KIF1B: variants seen among roughly 807,000 people sequenced by gnomAD.
KIF1B encodes kinesin-like protein KIF1B.
In KIF1B, 76 loss-of-function variants were observed where a neutral mutation model predicts 241.9. The observed-to-expected ratio is 0.31, with a 90% CI of 0.26 to 0.38. The LOEUF (loss-of-function observed/expected upper bound fraction) is 0.38. KIF1B is among the 10% of genes least tolerant of loss of function. The pLI, the probability that KIF1B is intolerant of heterozygous loss-of-function variation, is 1.00. For synonymous variants in KIF1B, 750 were observed against 796.7 expected (o/e 0.94, Z 0.99); for missense variants, 1,622 against 2,271.4 (o/e 0.71, Z 5.81).
At chr1:10,294,917 T>C (rs1650187452) in intron 17 of KIF1B, among the ~76,000 whole-genome samples, 169 bp from the exon 18 acceptor site, 1 of 152,146 alleles carries the variant, frequency 6.6e-6, no homozygotes, top group African/African-American at 2.4e-5. Flanking sequence ...TGGTGAGGCC[T>C]GAAGAGAGTG....
chr1:10,308,034 AC>A, intron 22 of KIF1B: 1 of 1,058,882 alleles, frequency 9.4e-7, no homozygotes, highest in Non-Finnish European at 1.1e-6. Context: ...TGAAAAAAAA[AC>A]AAAACACTGA....
chr1:10,265,349 C>T (rs1157478541), intron 5 of KIF1B, among the ~76,000 whole-genome samples: 8 of 151,998 alleles, frequency 5.3e-5, no homozygotes, highest in African/African-American at 1.9e-4. Flanking sequence ...ATCTTCCCAC[C>T]TCAGCCTCCC....
At chr1:10,226,591 G>A (rs532454106) in intron 1 of KIF1B, among the ~76,000 whole-genome samples, 148 of 152,104 alleles carry the variant, frequency 9.7e-4, no homozygotes, top group African/African-American at 3.3e-3. Flanking sequence ...CAACATTTTG[G>A]CAATCTTGTT....
At chr1:10,340,539 C>CATAG (rs1432259603) in intron 32 of KIF1B, among the ~76,000 whole-genome samples, 1 of 152,158 alleles carries the variant, frequency 6.6e-6, no homozygotes, top group East Asian at 1.9e-4. Context: ...ATGACTGAAG[C>CATAG]ATAGAGCAAT....
At chr1:10,299,665 GT>G (rs1330312996) in intron 22 of KIF1B, among the ~76,000 whole-genome samples, 2 of 152,176 alleles carry the variant, frequency 1.3e-5, no homozygotes, top group Non-Finnish European at 2.9e-5. Context: ...AGGCTCATGA[GT>G]TTTCTATTCT....
At chr1:10,320,222 G>C in intron 23 of KIF1B, 86 bp downstream of exon 23, 1 of 891,466 alleles carries the variant, frequency 1.1e-6, no homozygotes. Context: ...ATCAAAGCTG[G>C]ATTCCTCTTA....
intron 44 of KIF1B, among the ~76,000 whole-genome samples, chr1:10,368,848 A>G (rs1183652642): frequency 2.6e-5 from 4 of 152,182 alleles, no homozygotes; most frequent in African/African-American, 9.7e-5. Context: ...ATTCTTTGCC[A>G]GGGTACAAGG....
chr1:10,362,047 G>A (rs191036471), intron 40 of KIF1B, among the ~76,000 whole-genome samples: 6 of 152,238 alleles, frequency 3.9e-5, no homozygotes, highest in Non-Finnish European at 7.3e-5. Context: ...TTGTGAACAC[G>A]TCTAAAACAA....
At chr1:10,329,812 T>G (rs970104876) in intron 27 of KIF1B, among the ~76,000 whole-genome samples, 7 of 152,172 alleles carry the variant, frequency 4.6e-5, no homozygotes, top group Non-Finnish European at 7.4e-5. Context: ...TGCTAAAACT[T>G]TATATTGCAA....
At chr1:10,332,128 G>A (rs1247523334) in intron 27 of KIF1B, among the ~76,000 whole-genome samples, 3 of 151,948 alleles carry the variant, frequency 2.0e-5, no homozygotes, top group East Asian at 1.9e-4. Context: ...GCAATGGTGC[G>A]ATCTCGGCTC....
chr1:10,232,622 A>T (rs1284397685), intron 2 of KIF1B, among the ~76,000 whole-genome samples, 188 bp downstream of exon 2: 1 of 152,146 alleles, frequency 6.6e-6, no homozygotes, highest in Non-Finnish European at 1.5e-5. Flanking sequence ...TGGACTATTT[A>T]TTTTACCCTG....
chr1:10,299,363 C>G (rs747188527), intron 22 of KIF1B, among the ~76,000 whole-genome samples: 4 of 152,122 alleles, frequency 2.6e-5, no homozygotes, highest in African/African-American at 4.8e-5. Flanking sequence ...CTTCTTAAAG[C>G]AAGGAAGTTG....
At chr1:10,254,856 G>A (rs115538086) in intron 2 of KIF1B, among the ~76,000 whole-genome samples, 267 of 118,512 alleles carry the variant, frequency 2.3e-3, no homozygotes, top group African/African-American at 8.3e-3. Context: ...CAGCTAGGGC[G>A]ACAGAGGGAG....
At chr1:10,275,785 C>T (rs554169023) in intron 11 of KIF1B, among the ~76,000 whole-genome samples, 1 of 152,240 alleles carries the variant, frequency 6.6e-6, no homozygotes, top group African/African-American at 2.4e-5. Context: ...GCTCTTTCTT[C>T]GAAGTTATTT....
intron 22 of KIF1B, chr1:10,304,849 A>G: frequency 7.1e-7 from 1 of 1,417,678 alleles, no homozygotes. Flanking sequence ...CAGTTTCTGA[A>G]ATTTTGGATA....
intron 3 of KIF1B, 81 bp from the exon 4 acceptor site, chr1:10,258,412 C>A (rs1365203598): frequency 2.1e-6 from 3 of 1,444,236 alleles, no homozygotes; most frequent in Non-Finnish European, 2.9e-6. Flanking sequence ...ATTCCAGACA[C>A]TTTTATTATG....
chr1:10,223,815 A>T (rs1007835243), intron 1 of KIF1B, among the ~76,000 whole-genome samples: 6 of 152,130 alleles, frequency 3.9e-5, no homozygotes, highest in African/African-American at 1.4e-4. Context: ...AAGTGCTGGG[A>T]TTACAGGCGT....
rs964188122 is a variant in KIF1B at position 10,293,649 on chromosome 1, C to T, written c.1591-1437C>T. On this transcript the variant is annotated intron_variant, in intron 17 of 48. Coordinates refer to ENST00000676179, the MANE Select transcript of KIF1B (RefSeq NM_001365951.3). ...CTTTGTGATCCACCCACTTCAGCCT[C>T]TCGAAGTGCTGGGATTACAGGCATG... is the stretch of plus-strand genomic sequence containing the variant. Among the ~76,000 whole-genome samples, 7 of 152,036 alleles carry T rather than the reference C, an allele frequency of 4.6e-5. No homozygotes were observed. The East Asian group carries it at 9.6e-4, about 21-fold the overall frequency.
chr1:10,291,028 GT>G (rs1217136116), intron 15 of KIF1B, 53 bp from the exon 16 acceptor site: 1 of 1,363,580 alleles, frequency 7.3e-7, no homozygotes, highest in Non-Finnish European at 1.0e-6. Flanking sequence ...TTCTAGCATG[GT>G]ATGTTAAATT....
Sources: gnomAD v4.1 joint callset for allele counts (sites outside exome capture counted in the v4.1 genomes callset) on GRCh38, gnomAD v4.1.1 for gene constraint, MANE v1.5 for transcripts, NCBI Gene and HGNC (gene_info 2026-07-23, HGNC 2026-07-21) for gene names.